TMEM135: variants seen among roughly 807,000 people sequenced by gnomAD.
The protein encoded by TMEM135 is transmembrane protein 135, also known as peroxisomal membrane protein 52.
In TMEM135, 30 loss-of-function variants were observed where a neutral mutation model predicts 60.3. That is an observed-to-expected ratio of 0.50 (90% CI 0.37 to 0.68). TMEM135 has a LOEUF of 0.68. Ranked by LOEUF, TMEM135 falls within the 30% of genes least tolerant of loss-of-function variation. TMEM135 has a pLI of 0.00. For synonymous variants in TMEM135, 190 were observed against 186.7 expected (o/e 1.02, Z -0.14); for missense variants, 468 against 548.8 (o/e 0.85, Z 1.47).
chr11:87,095,328 C>A (rs924661712), intron 4 of TMEM135: 5 of 209,782 alleles, frequency 2.4e-5, no homozygotes, highest in Admixed American at 2.2e-4. Flanking sequence ...CTGCCACCAG[C>A]CAGCACTATA....
intron 6 of TMEM135, among the ~76,000 whole-genome samples, chr11:87,249,864 T>A (rs975666088): frequency 6.6e-6 from 1 of 152,140 alleles, no homozygotes; most frequent in African/African-American, 2.4e-5. Context: ...CCTTTATTTT[T>A]AGAATAGTTT....
intron 6 of TMEM135, among the ~76,000 whole-genome samples, chr11:87,257,118 CATT>C (rs1021968816): frequency 4.6e-5 from 7 of 152,146 alleles, no homozygotes; most frequent in Admixed American, 1.3e-4. Flanking sequence ...AACATCCAAA[CATT>C]ATATCCTTTC....
intron 4 of TMEM135, among the ~76,000 whole-genome samples, 166 bp downstream of exon 4, chr11:87,091,561 T>A (rs547612126): frequency 6.6e-6 from 1 of 152,234 alleles, no homozygotes; most frequent in East Asian, 1.9e-4. Context: ...TACCATCTGG[T>A]TTGTTCCATC....
intron 6 of TMEM135, among the ~76,000 whole-genome samples, chr11:87,274,255 T>C (rs1257139408): frequency 6.8e-6 from 1 of 147,540 alleles, no homozygotes; most frequent in Non-Finnish European, 1.5e-5. Flanking sequence ...ATCTATTCCC[T>C]TTACTGGTAG....
intron 4 of TMEM135, among the ~76,000 whole-genome samples, chr11:87,093,756 A>G (rs1591013494): frequency 7.1e-6 from 1 of 141,330 alleles, no homozygotes; most frequent in Non-Finnish European, 1.5e-5. Context: ...CTGGTCGTGA[A>G]CTCCTGACCT....
At position 87,286,349 on chromosome 11, in the gene TMEM135, C is replaced by A. The variant is rs575282401; in HGVS notation, c.510-9433C>A. On this transcript the variant is annotated intron_variant, in intron 6 of 14. Coordinates refer to ENST00000305494, the MANE Select transcript of TMEM135 (RefSeq NM_022918.4). ...GCTACAGAGTGCTGATTGGTGCATC[C>A]ATGAACCCCGAGCTAGACACAGAGT... Among the ~76,000 whole-genome samples, 5 of 152,038 alleles carry A rather than the reference C, an allele frequency of 3.3e-5. No homozygotes were observed. In the South Asian group the frequency reaches 6.2e-4, roughly 19 times the overall value.
chr11:87,323,220 T>C lies in TMEM135; in HGVS notation c.*1887T>C, dbSNP rs1942856727. On this transcript the variant is annotated 3_prime_UTR_variant, in exon 15 of 15. Coordinates refer to ENST00000305494, the MANE Select transcript of TMEM135 (RefSeq NM_022918.4). The stretch of plus-strand genomic sequence containing the variant: ...AAGGTGTATTTCTACAATTTACCTT[T>C]TCATTTTTATAAATTGCAGTCATTT... The C allele has an allele frequency of 2.2e-6, 1 of 453,504 alleles. No homozygotes were observed. The highest frequency in any genetic ancestry group is 4.4e-6 in the Non-Finnish European group (1 of 226,570). 28.1% of individuals were successfully genotyped at this position (453,504 alleles called of 1,614,324 possible). A position where few individuals can be genotyped will look rare whatever the true frequency, so the allele number is the denominator to read the frequency against.
Position 87,197,068 on chromosome 11 carries a change from A to G in TMEM135, c.463-39570A>G, listed in dbSNP as rs189581513. ...AATAAAGGAAATTCAGATGTAGGCTATTTTTGTCTTTAGACAAACAGCATT... is the reference window on the plus strand; with the variant it reads ...AATAAAGGAAATTCAGATGTAGGCTGTTTTTGTCTTTAGACAAACAGCATT... On this transcript the variant is annotated intron_variant, in intron 5 of 14. Transcript: ENST00000305494. 1.6e-4 allele frequency among the ~76,000 whole-genome samples: 24 copies of G among 152,228 alleles called. No individual in the cohort carries two copies. The East Asian group carries it at 3.9e-3, about 25-fold the overall frequency.
chr11:87,210,773 C>T (rs2135342650), intron 5 of TMEM135, among the ~76,000 whole-genome samples: 2 of 152,146 alleles, frequency 1.3e-5, no homozygotes, highest in South Asian at 4.2e-4. Context: ...AAAACGAATC[C>T]AGCAGCACAT....
chr11:87,070,162 A>G (rs981069944), intron 2 of TMEM135, among the ~76,000 whole-genome samples: 1 of 151,992 alleles, frequency 6.6e-6, no homozygotes, highest in Middle Eastern at 3.2e-3. Context: ...ACAGGGCAAG[A>G]CCTTGTCTCT....
chr11:87,113,160 C>A (rs894398552), intron 4 of TMEM135, among the ~76,000 whole-genome samples: 20 of 152,022 alleles, frequency 1.3e-4, no homozygotes, highest in Non-Finnish European at 2.4e-4. Flanking sequence ...AGTCATGGCC[C>A]AACTTATAAA....
At chr11:87,081,939 C>G (rs1213810064) in intron 3 of TMEM135, among the ~76,000 whole-genome samples, 1 of 152,054 alleles carries the variant, frequency 6.6e-6, no homozygotes, top group Non-Finnish European at 1.5e-5. Context: ...CTCATTGTTA[C>G]ATTATTGAAC....
At chr11:87,244,586 T>TG (rs1941214750) in intron 6 of TMEM135, among the ~76,000 whole-genome samples, 1 of 81,758 alleles carries the variant, frequency 1.2e-5, no homozygotes, top group Admixed American at 1.0e-4. Context: ...TGGGAGGATG[T>TG]ATGTGTCGAG....
intron 1 of TMEM135, among the ~76,000 whole-genome samples, chr11:87,057,965 G>A (rs1188422539): frequency 1.3e-5 from 2 of 152,162 alleles, no homozygotes; most frequent in Non-Finnish European, 2.9e-5. Context: ...GAGGACAATG[G>A]TGTAAGTTCC....
chr11:87,140,599 G>T (rs1938235120), intron 4 of TMEM135, among the ~76,000 whole-genome samples: 1 of 152,116 alleles, frequency 6.6e-6, no homozygotes, highest in Non-Finnish European at 1.5e-5. Context: ...TGTGGGATAG[G>T]ATATATATTT....
At position 87,275,935 on chromosome 11, in the gene TMEM135, TAC is replaced by T. The variant is rs545496577; in HGVS notation, c.510-19845_510-19844del. Among the ~76,000 whole-genome samples, 212 of 152,326 alleles carry T rather than the reference TAC, an allele frequency of 1.4e-3. 1 individual carries two copies. The highest frequency in any genetic ancestry group is 4.8e-3 in the African/African-American group (201 of 41,580). ...TCTAGGCCTCCCAAAGTGCTGGAATTACAGGCATGAGCCACCGCGCCTGGCCG... is the reference window on the plus strand; with the variant it reads ...TCTAGGCCTCCCAAAGTGCTGGAATTAGGCATGAGCCACCGCGCCTGGCCG... On this transcript the variant is annotated intron_variant, in intron 6 of 14. Transcript: ENST00000305494.
chr11:87,086,209 A>G (rs1393988459), intron 3 of TMEM135, among the ~76,000 whole-genome samples: 2 of 152,080 alleles, frequency 1.3e-5, no homozygotes, highest in Non-Finnish European at 2.9e-5. Context: ...TAATTCCATA[A>G]TCATTTGTTT....
intron 3 of TMEM135, among the ~76,000 whole-genome samples, chr11:87,072,242 A>G (rs1337820735): frequency 6.6e-6 from 1 of 152,162 alleles, no homozygotes; most frequent in East Asian, 1.9e-4. Flanking sequence ...GATTTTTTCC[A>G]TAGCCATAAT....
intron 4 of TMEM135, among the ~76,000 whole-genome samples, chr11:87,142,506 C>A (rs2451053): frequency 1.3e-5 from 2 of 151,940 alleles, no homozygotes; most frequent in African/African-American, 4.8e-5. Flanking sequence ...ATTGACAATC[C>A]GGCATCTACT....
Sources: gnomAD v4.1 joint callset for allele counts (sites outside exome capture counted in the v4.1 genomes callset) on GRCh38, gnomAD v4.1.1 for gene constraint, MANE v1.5 for transcripts, NCBI Gene and HGNC (gene_info 2026-07-23, HGNC 2026-07-21) for gene names.